FBXL17: variants seen among roughly 807,000 people sequenced by gnomAD.
FBXL17 encodes F-box and leucine rich repeat protein 17.
A neutral mutation model predicts 66.2 loss-of-function variants in FBXL17; 22 were observed. The observed-to-expected ratio is 0.33, with a 90% CI of 0.24 to 0.47. The LOEUF is 0.47. FBXL17 is among the 20% of genes least tolerant of loss of function. The pLI is 1.00. For synonymous variants in FBXL17, 474 were observed against 400.5 expected (o/e 1.18, Z -2.19); for missense variants, 878 against 948.2 (o/e 0.93, Z 0.97).
intron 1 of FBXL17, among the ~76,000 whole-genome samples, chr5:108,377,488 T>C (rs1749526910): frequency 6.6e-6 from 1 of 152,258 alleles, no homozygotes; most frequent in African/African-American, 2.4e-5. Context: ...CTGCTGGTTT[T>C]CCAAACTACA....
At chr5:108,290,240 G>A (rs1279125171) in intron 4 of FBXL17, among the ~76,000 whole-genome samples, 1 of 152,152 alleles carries the variant, frequency 6.6e-6, no homozygotes, top group Non-Finnish European at 1.5e-5. Flanking sequence ...AGAGAATTCT[G>A]TAGAATGGCA....
At chr5:108,064,210 C>T (rs939508655) in intron 6 of FBXL17, among the ~76,000 whole-genome samples, 1 of 152,080 alleles carries the variant, frequency 6.6e-6, no homozygotes, top group African/African-American at 2.4e-5. Flanking sequence ...CAATCACTTA[C>T]TGTACTTTTT....
chr5:108,271,033 C>T (rs1293241955), intron 4 of FBXL17, among the ~76,000 whole-genome samples: 1 of 151,294 alleles, frequency 6.6e-6, no homozygotes, highest in Non-Finnish European at 1.5e-5. Context: ...ATAATTACAT[C>T]CAATAGAGCA....
intron 6 of FBXL17, among the ~76,000 whole-genome samples, chr5:108,117,863 AGAAC>A (rs1750324529): frequency 1.3e-5 from 2 of 152,212 alleles, no homozygotes; most frequent in African/African-American, 4.8e-5. Flanking sequence ...AACATCTTGC[AGAAC>A]TGCCAGAGAT....
chr5:108,355,818 T>A (rs2112519920), intron 3 of FBXL17, among the ~76,000 whole-genome samples: 1 of 152,106 alleles, frequency 6.6e-6, no homozygotes, highest in Non-Finnish European at 1.5e-5. Context: ...AAGACAAAAA[T>A]ATTAGCAAAG....
Position 107,993,694 on chromosome 5 carries a change from A to G in FBXL17, c.1822+27231T>C, listed in dbSNP as rs138425629. ...TTTTTACATCTGATGTCTACTTTAAACATGTTTTATGTTTAAAAGGAAGGT... is the reference window on the plus strand; with the variant it reads ...TTTTTACATCTGATGTCTACTTTAAGCATGTTTTATGTTTAAAAGGAAGGT... On this transcript the variant is annotated intron_variant, in intron 7 of 8. Transcript: ENST00000542267. Among the ~76,000 whole-genome samples, 292 of 152,258 alleles carry G rather than the reference A, an allele frequency of 1.9e-3. 2 individuals are homozygous for G. The highest frequency in any genetic ancestry group is 6.7e-3 in the African/African-American group (279 of 41,544).
chr5:108,352,139 T>C (rs941659277), intron 3 of FBXL17, among the ~76,000 whole-genome samples: 1 of 152,232 alleles, frequency 6.6e-6, no homozygotes, highest in Non-Finnish European at 1.5e-5. Flanking sequence ...TATTATGATT[T>C]ACTACTACTG....
chr5:108,242,921 T>A (rs966344903), intron 4 of FBXL17, among the ~76,000 whole-genome samples: 1 of 152,218 alleles, frequency 6.6e-6, no homozygotes, highest in African/African-American at 2.4e-5. Context: ...TTAAATCTCA[T>A]TAAAATTTTA....
At chr5:107,881,983 A>G (rs902312204) in intron 7 of FBXL17, among the ~76,000 whole-genome samples, 3 of 152,134 alleles carry the variant, frequency 2.0e-5, no homozygotes, top group Admixed American at 2.0e-4. Context: ...CCATCACCCC[A>G]TCACAGCGAC....
chr5:108,036,135 G>A (rs887490345), intron 6 of FBXL17, among the ~76,000 whole-genome samples: 6 of 152,082 alleles, frequency 3.9e-5, no homozygotes, highest in African/African-American at 1.4e-4. Context: ...TGAGATGACT[G>A]TGCCAGTTTT....
At chr5:108,272,324 T>G (rs1435018187) in intron 4 of FBXL17, among the ~76,000 whole-genome samples, 1 of 150,574 alleles carries the variant, frequency 6.6e-6, no homozygotes, top group African/African-American at 2.4e-5. Context: ...AATTAAAAAA[T>G]AAAGAAAAGC....
intron 5 of FBXL17, among the ~76,000 whole-genome samples, chr5:108,219,314 T>C (rs1424708667): frequency 6.6e-6 from 1 of 152,070 alleles, no homozygotes; most frequent in Admixed American, 6.5e-5. Flanking sequence ...TTATTATTTC[T>C]TCTTAAGTGA....
At chr5:107,879,443 G>C (rs1748711813) in intron 8 of FBXL17, 5 of 985,448 alleles carry the variant, frequency 5.1e-6, no homozygotes, top group Non-Finnish European at 6.0e-6. Context: ...ATTTGTGGGA[G>C]ACTCGCAAGC....
Position 108,086,071 on chromosome 5 carries a change from A to C in FBXL17, c.1746-65070T>G, listed in dbSNP as rs1748958605. On this transcript the variant is annotated intron_variant, in intron 6 of 8. Transcript: ENST00000542267. ...AATCAGAATTTCTTTCCACCATGGA[A>C]GATCATAGAAACTGGAATTCCTCAA... Among the ~76,000 whole-genome samples, 3 of 152,268 alleles carry C rather than the reference A, an allele frequency of 2.0e-5. No homozygotes were observed. The South Asian group carries it at 6.2e-4, about 32-fold the overall frequency.
At chr5:108,057,768 C>G (rs527797658) in intron 6 of FBXL17, among the ~76,000 whole-genome samples, 1 of 152,294 alleles carries the variant, frequency 6.6e-6, no homozygotes, top group East Asian at 1.9e-4. Context: ...AATCCCATTA[C>G]AATAGCTATT....
chr5:108,246,196 A>G (rs1483414449), intron 4 of FBXL17, among the ~76,000 whole-genome samples: 2 of 152,168 alleles, frequency 1.3e-5, no homozygotes, highest in African/African-American at 2.4e-5. Context: ...AAAGATACAC[A>G]TTAGAAACTG....
intron 6 of FBXL17, among the ~76,000 whole-genome samples, chr5:108,147,462 G>C (rs2149992750): frequency 6.6e-6 from 1 of 152,210 alleles, no homozygotes; most frequent in South Asian, 2.1e-4. Flanking sequence ...ATGGTGAGAG[G>C]ATTGCTTGAG....
At chr5:108,345,262 G>A (rs1747196770) in intron 4 of FBXL17, among the ~76,000 whole-genome samples, 2 of 151,748 alleles carry the variant, frequency 1.3e-5, no homozygotes, top group Non-Finnish European at 2.9e-5. Flanking sequence ...GCTTGAACCT[G>A]GGAAGAGGAA....
chr5:108,319,122 A>G (rs542409899), intron 4 of FBXL17, among the ~76,000 whole-genome samples: 1 of 152,044 alleles, frequency 6.6e-6, no homozygotes, highest in African/African-American at 2.4e-5. Context: ...ATTATTTTAA[A>G]TAAGCCATTC....
Sources: gnomAD v4.1 joint callset for allele counts (sites outside exome capture counted in the v4.1 genomes callset) on GRCh38, gnomAD v4.1.1 for gene constraint, MANE v1.5 for transcripts, NCBI Gene and HGNC (gene_info 2026-07-23, HGNC 2026-07-21) for gene names.